Variants in CLTCL1 observed in about 807,000 individuals in gnomAD.
CLTCL1 encodes the protein clathrin heavy chain like 1.
CLTCL1 carries 159 observed loss-of-function variants against 190.0 expected under a neutral mutation model. The observed-to-expected ratio is 0.84, with a 90% CI of 0.74 to 0.95. CLTCL1 has a LOEUF of 0.95. Ranked by LOEUF, CLTCL1 falls within the 40% of genes least tolerant of loss-of-function variation. The pLI is 0.00. For synonymous variants in CLTCL1, 752 were observed against 769.6 expected (o/e 0.98, Z 0.38); for missense variants, 1,878 against 2,033.4 (o/e 0.92, Z 1.47).
In CLTCL1 at chr22:19,270,413, T is replaced by C. The variant is rs117383268; in HGVS notation, c.250+5210A>G. On this transcript the variant is annotated intron_variant, in intron 2 of 32. Transcript: ENST00000427926. ...AGAGATGATTCCACAACTCTATGAA[T>C]TCACTAAAAATCACCGAGAAGGAGT... 9.4e-3 allele frequency among the ~76,000 whole-genome samples: 1,428 copies of C among 152,030 alleles called. 34 individuals are homozygous for C. The highest frequency in any genetic ancestry group is 0.068 in the East Asian group (351 of 5,162).
At chr22:19,208,433 C>T in intron 21 of CLTCL1, 122 bp from the exon 22 acceptor site, 1 of 1,125,634 alleles carries the variant, frequency 8.9e-7, no homozygotes, top group South Asian at 1.5e-5. Context: ...ACTGGGAACT[C>T]AGACTCCAGA....
At chr22:19,254,333 C>A in intron 2 of CLTCL1, 106 bp from the exon 3 acceptor site, 1 of 945,600 alleles carries the variant, frequency 1.1e-6, no homozygotes, top group Non-Finnish European at 1.6e-6. Context: ...TTAGGTTGTA[C>A]TGCTAATCTG....
rs868978078 is a variant in CLTCL1 at position 19,198,604 on chromosome 22, A to C, written c.3873+1130T>G. Among the ~76,000 whole-genome samples, 1 of 151,754 alleles carries C rather than the reference A, an allele frequency of 6.6e-6. No homozygotes were observed. Among genetic ancestry groups the C allele is most frequent in the Non-Finnish European group, 1.5e-5 (1 of 67,924 alleles). ...AATGTTCCCATGACCAAATCCTTCC[A>C]TTTCTTCAGGTCTTTGCTCAAATGT... On this transcript the variant is annotated intron_variant, in intron 24 of 32. Coordinates refer to ENST00000427926, the MANE Select transcript of CLTCL1 (RefSeq NM_007098.4). This position sits in a 1 kb window ranked among gnomAD's most constrained non-coding sequence, Gnocchi z 4.1.
chr22:19,257,886 C>T, intron 2 of CLTCL1: 1 of 1,387,972 alleles, frequency 7.2e-7, no homozygotes. Flanking sequence ...GAAGAGACCC[C>T]AGGTCAGAGA....
At chr22:19,268,725 C>A (rs1423155774) in intron 2 of CLTCL1, among the ~76,000 whole-genome samples, 3 of 152,204 alleles carry the variant, frequency 2.0e-5, no homozygotes, top group Non-Finnish European at 4.4e-5. Flanking sequence ...TGTGGAGAAA[C>A]TGGCATCCTC....
intron 17 of CLTCL1, 26 bp downstream of exon 17, chr22:19,221,351 G>T: frequency 6.6e-7 from 1 of 1,508,314 alleles, no homozygotes; most frequent in South Asian, 1.3e-5. Flanking sequence ...GGGTTACATG[G>T]GCAGCTCAGC....
chr22:19,208,025 G>T, intron 22 of CLTCL1, 129 bp downstream of exon 22: 1 of 1,083,320 alleles, frequency 9.2e-7, no homozygotes, highest in Non-Finnish European at 1.4e-6. Context: ...CCCCCGACCT[G>T]TCTGTGGAAA....
intron 10 of CLTCL1, among the ~76,000 whole-genome samples, chr22:19,231,260 C>G (rs2085911688): frequency 6.6e-6 from 1 of 152,252 alleles, no homozygotes; most frequent in South Asian, 2.1e-4. Context: ...GGGTCTCACT[C>G]TATTGCCTAG....
In CLTCL1 at chr22:19,268,099, T is replaced by G. The variant is rs564564866; in HGVS notation, c.250+7524A>C. Among the ~76,000 whole-genome samples, 9 of 152,252 alleles carry G rather than the reference T, an allele frequency of 5.9e-5. No individual in the cohort carries two copies. The South Asian group carries it at 1.2e-3, about 21-fold the overall frequency. On this transcript the variant is annotated intron_variant, in intron 2 of 32. Transcript: ENST00000427926. ...ATGCTGAAACTTCATCCCCAAGTGT[T>G]GGGAGATGGAGCCTTTTGGGAGGCA...
At chr22:19,189,512 C>A (rs1569147964) in intron 27 of CLTCL1, among the ~76,000 whole-genome samples, 1 of 152,166 alleles carries the variant, frequency 6.6e-6, no homozygotes, top group Non-Finnish European at 1.5e-5. Context: ...CTTAAGAAAC[C>A]ACTTTCTTTG....
chr22:19,189,734 T>C (rs1555930473), intron 27 of CLTCL1, among the ~76,000 whole-genome samples: 1 of 152,220 alleles, frequency 6.6e-6, no homozygotes, highest in Non-Finnish European at 1.5e-5. Context: ...ATATGGATAT[T>C]TTCCTTATAT....
intron 18 of CLTCL1, among the ~76,000 whole-genome samples, chr22:19,219,172 T>G (rs145802385): frequency 7.5e-6 from 1 of 132,940 alleles, no homozygotes; most frequent in Admixed American, 7.8e-5. Context: ...TTTATTTATT[T>G]ATTTATTTAT....
intron 24 of CLTCL1, 83 bp from the exon 25 acceptor site, chr22:19,196,739 G>C (rs2084721557): frequency 6.9e-7 from 1 of 1,452,988 alleles, no homozygotes; most frequent in South Asian, 1.3e-5. Flanking sequence ...ACGCCGCAGG[G>C]ACTGTGCTTG....
In CLTCL1 at chr22:19,225,592, A is replaced by G; in HGVS notation, c.1989T>C (p.Ser663=). 6.3e-7 allele frequency: 1 copy of G among 1,575,280 alleles called. No individual in the cohort carries two copies. The highest frequency in any genetic ancestry group is 1.2e-5 in the South Asian group (1 of 85,632). The change falls in exon 13 of 33, where the codon TCT becomes TCC. Residue 663 remains serine (S), a synonymous_variant. Coordinates refer to ENST00000427926, the MANE Select transcript of CLTCL1 (RefSeq NM_007098.4). ...ACAGCATGGCATGCAGACACTCCAC[A>G]GAATCCTCCACCGATAAGGAGCCAA... The part of the protein sequence containing the change: ...NFFGSLSVED[S]VECLHAMLSA...
intron 1 of CLTCL1, among the ~76,000 whole-genome samples, chr22:19,280,943 G>A (rs1275243389): frequency 1.3e-5 from 2 of 151,748 alleles, no homozygotes; most frequent in African/African-American, 4.8e-5. Context: ...GGGGGGAGGA[G>A]TGTGAATGGG....
chr22:19,188,211 G>C (rs1393848123), intron 27 of CLTCL1, 120 bp from the exon 28 acceptor site: 1 of 842,188 alleles, frequency 1.2e-6, no homozygotes, highest in African/African-American at 1.7e-5. Context: ...GGAGCCAAGG[G>C]CACCTTCTGG....
In CLTCL1 at chr22:19,242,820, A is replaced by C; in HGVS notation, c.636T>G (p.Pro212=). Residue 212 remains proline (P), a synonymous_variant, in exon 4 of 33, where the codon CCT becomes CCG. Coordinates refer to ENST00000427926, the MANE Select transcript of CLTCL1 (RefSeq NM_007098.4). ...GTACAGCAAAGCAGAAAAGGGTGGC[A>C]GGCTTGGCATTCCCCTCCATCTTGA... ...AEFKMEGNAK[P]ATLFCFAVRN... 6.2e-7 allele frequency: 1 copy of C among 1,613,936 alleles called. No individual in the cohort carries two copies. The highest frequency in any genetic ancestry group is 8.5e-7 in the Non-Finnish European group (1 of 1,179,860).
At chr22:19,282,253 C>T (rs1172432972) in intron 1 of CLTCL1, among the ~76,000 whole-genome samples, 1 of 151,406 alleles carries the variant, frequency 6.6e-6, no homozygotes, top group Non-Finnish European at 1.5e-5. Context: ...TGCTTCAACC[C>T]AGGAGGCGGA....
Position 19,254,233 on chromosome 22 carries a change from A to G in CLTCL1, c.251-6T>C, listed in dbSNP as rs1601657713. 3 of 1,605,144 alleles carry G rather than the reference A, an allele frequency of 1.9e-6. No homozygotes were observed. In the East Asian group the frequency reaches 6.7e-5, roughly 36 times the overall value. On this transcript the variant is annotated splice_region_variant and splice_polypyrimidine_tract_variant and intron_variant, in intron 2 of 32. Coordinates refer to ENST00000427926, the MANE Select transcript of CLTCL1 (RefSeq NM_007098.4). ...GATCTGAAGTGTCTTCCCAGCTAGT[A>G]TTTGATATAATAGAGATTAGAGAAA... is the stretch of plus-strand genomic sequence containing the variant.
Sources: gnomAD v4.1 joint callset for allele counts (sites outside exome capture counted in the v4.1 genomes callset) on GRCh38, gnomAD v4.1.1 for gene constraint, Gnocchi (gnomAD v3.1) non-coding constraint, MANE v1.5 for transcripts, NCBI Gene and HGNC (gene_info 2026-07-23, HGNC 2026-07-21) for gene names.